TOM1: variants seen among roughly 807,000 people sequenced by gnomAD.
The protein encoded by TOM1 is target of myb1 membrane trafficking protein, also known as target of Myb protein 1.
Under a neutral mutation model 61.3 loss-of-function variants are expected in TOM1, and 38 were observed. The observed-to-expected ratio is 0.62, with a 90% CI of 0.48 to 0.81. The LOEUF (loss-of-function observed/expected upper bound fraction) is 0.81. Among genes scored for constraint, TOM1 ranks in the 40% least tolerant of loss-of-function variants. The pLI, the probability that TOM1 is intolerant of heterozygous loss-of-function variation, is 0.00. For synonymous variants in TOM1, 270 were observed against 268.8 expected (o/e 1.00, Z -0.04); for missense variants, 591 against 659.6 (o/e 0.90, Z 1.14).
At chr22:35,333,572 C>T (rs1929023716) in intron 10 of TOM1, 75 bp downstream of exon 10, 7 of 1,354,974 alleles carry the variant, frequency 5.2e-6, no homozygotes, top group Admixed American at 1.8e-5. Flanking sequence ...TTTCGGGGTG[C>T]CCTTGTTATA....
Position 35,347,141 on chromosome 22 carries a change from C to T in TOM1, c.1411C>T (p.Pro471Ser), listed in dbSNP as rs1032377637. 6.2e-7 allele frequency: 1 copy of T among 1,613,538 alleles called. No individual in the cohort carries two copies. The highest frequency in any genetic ancestry group is 8.5e-7 in the Non-Finnish European group (1 of 1,179,764). The stretch of plus-strand genomic sequence containing the variant: ...CCCCTCAGCTGAGGGGCCCCCGGGT[C>T]CCCCATCTGGCCCAGCGCCCCGGAA... ...SSPSAEGPPGPPSGPAPRKKT... is the reference protein window; with the variant it reads ...SSPSAEGPPGSPSGPAPRKKT... Residue 471 changes from proline to serine, a missense_variant, in exon 15 of 15, where the codon CCC (proline) becomes TCC (serine). Coordinates refer to ENST00000449058, the MANE Select transcript of TOM1 (RefSeq NM_005488.3).
rs188219710 is a variant in TOM1 at position 35,313,144 on chromosome 22, C to T, written c.53-4733C>T. ...GGTGGATCACTTGAGGTCAGGAGTT[C>T]GAGACCAGCCTGACCAACATGGTGA... is the stretch of plus-strand genomic sequence containing the variant. On this transcript the variant is annotated intron_variant, in intron 1 of 14. Coordinates refer to ENST00000449058, the MANE Select transcript of TOM1 (RefSeq NM_005488.3). Among the ~76,000 whole-genome samples the T allele has an allele frequency of 2.2e-4, 34 of 152,112 alleles. No individual in the cohort carries two copies. The East Asian group carries it at 5.8e-3, about 26-fold the overall frequency.
chr22:35,301,429 C>T (rs1278738031), intron 1 of TOM1, among the ~76,000 whole-genome samples: 1 of 152,200 alleles, frequency 6.6e-6, no homozygotes, highest in Non-Finnish European at 1.5e-5. Context: ...TGGGCACCAA[C>T]ACCATGAGAA....
At position 35,347,332 on chromosome 22, in the gene TOM1, T is replaced by A; in HGVS notation, c.*123T>A. 9.4e-7 allele frequency: 1 copy of A among 1,065,128 alleles called. No homozygotes were observed. The highest frequency in any genetic ancestry group is 1.3e-6 in the Non-Finnish European group (1 of 762,070). 66.0% of individuals were successfully genotyped at this position (1,065,128 alleles called of 1,614,324 possible). ...GTGGCTTGTTACCCCCTTTTCCTCC[T>A]CTTTGAAGACGGAGCTGCCCCAGCT... On this transcript the variant is annotated 3_prime_UTR_variant, in exon 15 of 15. Coordinates refer to ENST00000449058, the MANE Select transcript of TOM1 (RefSeq NM_005488.3).
At chr22:35,327,607 G>A (rs927768478) in intron 7 of TOM1, among the ~76,000 whole-genome samples, 1 of 152,232 alleles carries the variant, frequency 6.6e-6, no homozygotes, top group Non-Finnish European at 1.5e-5. Context: ...CCTGGCCTCA[G>A]TTTCCTCATC....
At chr22:35,330,537 T>C in intron 8 of TOM1, 57 bp downstream of exon 8, 6 of 1,491,348 alleles carry the variant, frequency 4.0e-6, no homozygotes, top group East Asian at 2.4e-5. Context: ...CTCCCTTCCC[T>C]TCCTCCCTGT....
chr22:35,324,032 C>T lies in TOM1; in HGVS notation c.648+118C>T, dbSNP rs532315566. ...CCTCCACTTCTTCCTCACAGCAGCC[C>T]ACAGGGTATGTGTGGTTCTTCCTGT... is the stretch of plus-strand genomic sequence containing the variant. On this transcript the variant is annotated intron_variant, in intron 6 of 14. Transcript: ENST00000449058. The T allele has an allele frequency of 1.6e-5, 20 of 1,276,348 alleles. 1 individual carries two copies. The South Asian group carries it at 2.3e-4, about 15-fold the overall frequency. The allele number at this position is 1,276,348 out of a possible 1,614,324, so 79.1% of individuals were successfully genotyped here. A position where few individuals can be genotyped will look rare whatever the true frequency, so the allele number is the denominator to read the frequency against.
chr22:35,340,277 G>A (rs1249323527), intron 12 of TOM1, among the ~76,000 whole-genome samples: 1 of 152,178 alleles, frequency 6.6e-6, no homozygotes, highest in African/African-American at 2.4e-5. Flanking sequence ...GACTTCTGAG[G>A]CTAGCATGGG....
chr22:35,304,492 T>C (rs1465834693), intron 1 of TOM1, among the ~76,000 whole-genome samples: 1 of 152,214 alleles, frequency 6.6e-6, no homozygotes, highest in African/African-American at 2.4e-5. Context: ...TTTTTTGTTT[T>C]TTATGAGACA....
intron 1 of TOM1, among the ~76,000 whole-genome samples, chr22:35,305,868 G>A (rs1303780880): frequency 1.3e-5 from 2 of 151,700 alleles, no homozygotes; most frequent in East Asian, 3.9e-4. Flanking sequence ...CCGGGGTGGG[G>A]AGGGCGACTA....
At position 35,332,996 on chromosome 22, in the gene TOM1, A is replaced by T. The variant is rs576766745; in HGVS notation, c.915A>T (p.Arg305=). 26 of 1,614,224 alleles carry T rather than the reference A, an allele frequency of 1.6e-5. No homozygotes were observed. In the South Asian group the frequency reaches 2.7e-4, roughly 17 times the overall value. Residue 305 remains arginine (R), a synonymous_variant, in exon 9 of 15, where the codon CGA becomes CGT. Transcript: ENST00000449058. ...TGTCTTGTAGGTTTGAACGGTTCCG[A>T]ACAGGCCAGACCACCAAGGTAAAAG... ...FLRHERFERF[R]TGQTTKAPSE... is the part of the protein sequence containing the mutation.
intron 1 of TOM1, among the ~76,000 whole-genome samples, chr22:35,317,525 C>T (rs759358878): frequency 1.3e-5 from 2 of 152,196 alleles, no homozygotes; most frequent in African/African-American, 4.8e-5. Flanking sequence ...AACATCTTAT[C>T]TACAGAAATG....
intron 12 of TOM1, among the ~76,000 whole-genome samples, chr22:35,343,926 A>G (rs1930259983): frequency 6.9e-6 from 1 of 144,974 alleles, no homozygotes; most frequent in Non-Finnish European, 1.5e-5. Flanking sequence ...CACCACACAC[A>G]TCTACACACA....
intron 12 of TOM1, among the ~76,000 whole-genome samples, chr22:35,343,981 CTACACA>C (rs941941236): frequency 2.6e-5 from 4 of 151,218 alleles, no homozygotes; most frequent in African/African-American, 9.7e-5. Flanking sequence ...CAACCTACAC[CTACACA>C]TACAAACCTA....
chr22:35,300,053 G>A, intron 1 of TOM1, 73 bp downstream of exon 1: 2 of 1,523,778 alleles, frequency 1.3e-6, no homozygotes, highest in East Asian at 2.5e-5. Flanking sequence ...GGAAGCCTCC[G>A]GGTGCCTAGT....
chr22:35,341,130 C>T (rs892674575), intron 12 of TOM1, among the ~76,000 whole-genome samples: 24 of 152,368 alleles, frequency 1.6e-4, no homozygotes, highest in Admixed American at 1.3e-3. Flanking sequence ...CAGGCCTGCA[C>T]TAAGCACTTT....
chr22:35,323,719 C>T lies in TOM1; in HGVS notation c.502-49C>T, dbSNP rs1928062003. The T allele has an allele frequency of 2.5e-6, 4 of 1,604,304 alleles. No homozygotes were observed. Among genetic ancestry groups the T allele is most frequent in the Non-Finnish European group, 3.4e-6 (4 of 1,173,424 alleles). On this transcript the variant is annotated intron_variant, in intron 5 of 14. Transcript: ENST00000449058. The surrounding 1 kb of genome is among the most constrained non-coding windows in gnomAD (Gnocchi z 4.2). Reference sequence around the variant, plus strand: ...CCAGGCTGGCCCCTGACTTCCTGGGCTCTTGATGTTCCCAGGAGCCCTCAC... The same window carrying T: ...CCAGGCTGGCCCCTGACTTCCTGGGTTCTTGATGTTCCCAGGAGCCCTCAC...
At chr22:35,303,454 G>A (rs1414888445) in intron 1 of TOM1, among the ~76,000 whole-genome samples, 1 of 151,548 alleles carries the variant, frequency 6.6e-6, no homozygotes, top group Non-Finnish European at 1.5e-5. Context: ...GTGAGTGTAT[G>A]GAAACATTAG....
chr22:35,320,612 C>T (rs1927688450), intron 2 of TOM1, among the ~76,000 whole-genome samples: 1 of 152,094 alleles, frequency 6.6e-6, no homozygotes, highest in Non-Finnish European at 1.5e-5. Flanking sequence ...TGGTCCTTCC[C>T]ATCTTTCAAG....
Sources: allele counts gnomAD v4.1 joint callset (sites outside exome capture counted in the v4.1 genomes callset), GRCh38; gene constraint gnomAD v4.1.1; non-coding constraint Gnocchi (gnomAD v3.1); transcripts MANE v1.5; gene names NCBI Gene and HGNC (gene_info 2026-07-23, HGNC 2026-07-21).